Variants in KLF15 observed in about 807,000 individuals in gnomAD.
KLF15 encodes KLF transcription factor 15.
In KLF15, 4 loss-of-function variants were observed where a neutral mutation model predicts 24.6. The observed-to-expected ratio is 0.16, with a 90% confidence interval of 0.08 to 0.37. The LOEUF (loss-of-function observed/expected upper bound fraction) is 0.37, where lower values mean the gene tolerates loss of function less well. Among genes scored for constraint, KLF15 ranks in the 10% least tolerant of loss-of-function variants. The pLI is 1.00. For synonymous variants in KLF15, 246 were observed against 236.3 expected (o/e 1.04, Z -0.37); for missense variants, 496 against 560.6 (o/e 0.88, Z 1.16).
At chr3:126,322,515 C>T in the KLF15 span, among the ~76,000 whole-genome samples, 2 of 152,178 alleles carry the variant, frequency 1.3e-5, no homozygotes, top group African/African-American at 4.8e-5. Flanking sequence ...ACGCTGGATC[C>T]ACCAGATAAC....
chr3:126,346,913 G>A (rs890330443), intron 2 of KLF15, among the ~76,000 whole-genome samples: 1 of 152,222 alleles, frequency 6.6e-6, no homozygotes, highest in African/African-American at 2.4e-5. Context: ...CCCAGACAAA[G>A]GGAGAACAAA....
At chr3:126,347,039 T>A (rs945698819) in intron 2 of KLF15, among the ~76,000 whole-genome samples, 7 of 152,170 alleles carry the variant, frequency 4.6e-5, no homozygotes, top group African/African-American at 1.7e-4. Flanking sequence ...TGCATGGAGT[T>A]GAGTGTTGGG....
chr3:126,352,749 T>C lies in KLF15; in HGVS notation c.174A>G (p.Gln58=), dbSNP rs751399224. The change falls in exon 2 of 3, where the codon CAA becomes CAG. Residue 58 remains glutamine (Q), a synonymous_variant. Transcript: ENST00000296233. The part of the protein sequence containing the change: ...SPCSCSSPDS[Q]ALCSCYGGGL... ...CTCCACCATAGCAGGAGCAGAGGGC[T>C]TGAGAGTCGGGACTGGAACAGGAGC... is the stretch of plus-strand genomic sequence containing the variant. 6 of 1,572,234 alleles carry C rather than the reference T, an allele frequency of 3.8e-6. No individual in the cohort carries two copies. The South Asian group carries it at 5.8e-5, about 15-fold the overall frequency.
the KLF15 span, among the ~76,000 whole-genome samples, chr3:126,297,622 C>A: frequency 6.6e-6 from 1 of 152,306 alleles, no homozygotes; most frequent in African/African-American, 2.4e-5. Context: ...CACACGTCCC[C>A]AAAGTCCATC....
chr3:126,348,354 T>C (rs1156991470), intron 2 of KLF15, among the ~76,000 whole-genome samples: 1 of 152,224 alleles, frequency 6.6e-6, no homozygotes, highest in Non-Finnish European at 1.5e-5. Flanking sequence ...ATCTCGATTG[T>C]GGTCGTTAGC....
the KLF15 span, among the ~76,000 whole-genome samples, chr3:126,318,311 C>G: frequency 3.3e-5 from 5 of 152,132 alleles, no homozygotes; most frequent in African/African-American, 1.2e-4. Context: ...ATAATTCTTC[C>G]CCTCATTCCC....
chr3:126,343,798 C>G lies in KLF15; in HGVS notation c.1180G>C (p.Asp394His). ...PVCEKKFARS[D>H]HLSKHIKVHR... ...ACCTTGATGTGCTTGGAGAGGTGGTCGCTCCGCGCGAACTTCTTCTCGCAC... is the reference window on the plus strand; with the variant it reads ...ACCTTGATGTGCTTGGAGAGGTGGTGGCTCCGCGCGAACTTCTTCTCGCAC... The change falls in exon 3 of 3, where the codon GAC becomes CAC. Residue 394 changes from aspartate (D) to histidine (H), a missense_variant. Asp to His is a moderately conservative substitution (Grantham distance 81, BLOSUM62 -1). Transcript: ENST00000296233. 1 of 1,611,862 alleles carries G rather than the reference C, an allele frequency of 6.2e-7. No individual in the cohort carries two copies. The highest frequency in any genetic ancestry group is 8.5e-7 in the Non-Finnish European group (1 of 1,179,904).
rs775981060 is a variant in KLF15 at position 126,352,526 on chromosome 3, C to T, written c.397G>A (p.Val133Ile). 56 of 1,613,108 alleles carry T rather than the reference C, an allele frequency of 3.5e-5. No individual in the cohort carries two copies. Among genetic ancestry groups the T allele is most frequent in the African/African-American group, 9.3e-5 (7 of 75,060 alleles). The change falls in exon 2 of 3, where the codon GTC becomes ATC. Residue 133 changes from valine (V) to isoleucine (I), a missense_variant. Around this residue, in one of 3 missense-constraint regions of KLF15, gnomAD observed 399 missense variants for 423.1 expected, o/e 0.94. Transcript: ENST00000296233. The part of the protein sequence containing the change: ...PEFPLGDPDD[V>I]PRPFQPTLEE... ...AGGGTAGGCTGGAAGGGCCGTGGGACGTCATCAGGATCACCCAAAGGAAAC... is the reference window on the plus strand; with the variant it reads ...AGGGTAGGCTGGAAGGGCCGTGGGATGTCATCAGGATCACCCAAAGGAAAC...
the KLF15 span, among the ~76,000 whole-genome samples, chr3:126,290,165 G>A: frequency 0.32 from 48,091 of 152,040 alleles, 8,099 homozygotes; most frequent in African/African-American, 0.43. Context: ...GGCGGAGGGA[G>A]TAGGGGTCCC....
At chr3:126,316,536 T>TGGGCCGGAGTAGGGGAGGGAGGACAC in the KLF15 span, among the ~76,000 whole-genome samples, 11 of 112,172 alleles carry the variant, frequency 9.8e-5, no homozygotes, top group African/African-American at 1.9e-4. Flanking sequence ...AGGGAGTACA[T>TGGGCCGGAGTAGGGGAGGGAGGACAC]GGGCCGGAGT....
At chr3:126,307,555 G>A in the KLF15 span, among the ~76,000 whole-genome samples, 4 of 152,314 alleles carry the variant, frequency 2.6e-5, no homozygotes, top group East Asian at 1.9e-4. Context: ...CACAGCCAGC[G>A]CTACAGCACC....
the KLF15 span, among the ~76,000 whole-genome samples, chr3:126,320,522 G>T: frequency 1.7e-5 from 2 of 119,628 alleles, no homozygotes; most frequent in Admixed American, 7.7e-5. Flanking sequence ...AGATAAGAGT[G>T]CTTTCCTGTG....
chr3:126,341,505 C>T (rs1207936384), downstream of KLF15, among the ~76,000 whole-genome samples: 2 of 152,310 alleles, frequency 1.3e-5, no homozygotes, highest in African/African-American at 4.8e-5. Context: ...GCCTTGCTTC[C>T]CTAGAGTGTG....
chr3:126,323,962 T>C, the KLF15 span, among the ~76,000 whole-genome samples: 80 of 150,772 alleles, frequency 5.3e-4, no homozygotes, highest in Admixed American at 1.0e-3. Flanking sequence ...CTTTATCCAG[T>C]TTATCATTGA....
rs778756746 is a variant in KLF15 at position 126,352,464 on chromosome 3, C to T, written c.459G>A (p.Glu153=). 6.2e-7 allele frequency: 1 copy of T among 1,613,570 alleles called. No homozygotes were observed. The highest frequency in any genetic ancestry group is 8.5e-7 in the Non-Finnish European group (1 of 1,180,026). The change falls in exon 2 of 3, where the codon GAG becomes GAA. Residue 153 remains glutamate, a synonymous_variant. Transcript: ENST00000296233. The stretch of plus-strand genomic sequence containing the variant: ...CCTCAGGGACCTCCTTGACTCCAGG[C>T]TCCATGTTCTCCTCCAGAAACTCTT... ...EIEEFLEENM[E]PGVKEVPEGN...
the KLF15 span, among the ~76,000 whole-genome samples, chr3:126,310,065 C>T: frequency 3.9e-5 from 6 of 152,246 alleles, no homozygotes; most frequent in South Asian, 2.1e-4. Context: ...GTGAGGGCTT[C>T]GTGCTGTACC....
intron 2 of KLF15, among the ~76,000 whole-genome samples, chr3:126,349,006 G>A (rs985181813): frequency 4.6e-5 from 7 of 152,038 alleles, no homozygotes; most frequent in African/African-American, 1.2e-4. Context: ...CATCATCATC[G>A]TTACCCTTCC....
the KLF15 span, among the ~76,000 whole-genome samples, chr3:126,290,502 T>TGCTA: frequency 2.1e-5 from 3 of 140,498 alleles, no homozygotes; most frequent in Admixed American, 7.3e-5. Flanking sequence ...CTTTCTTCCT[T>TGCTA]CCTACCTTCC....
chr3:126,314,519 G>A, the KLF15 span, among the ~76,000 whole-genome samples: 2 of 152,156 alleles, frequency 1.3e-5, no homozygotes, highest in South Asian at 4.1e-4. Flanking sequence ...GGACCCACAC[G>A]TGTTCCCAGG....
Sources: gnomAD v4.1 joint callset for allele counts (sites outside exome capture counted in the v4.1 genomes callset) on GRCh38, gnomAD v4.1.1 for gene constraint, gnomAD v4.1.1 regional missense constraint, MANE v1.5 for transcripts, NCBI Gene and HGNC (gene_info 2026-07-23, HGNC 2026-07-21) for gene names.